CDH18: variants seen among roughly 807,000 people sequenced by gnomAD.
The protein encoded by CDH18 is cadherin-18.
CDH18 carries 31 observed loss-of-function variants against 67.9 expected under a neutral mutation model. The ratio of observed to expected loss-of-function variants is 0.46; its 90% CI spans 0.34 to 0.62. The LOEUF is 0.62. CDH18 is among the 20% of genes least tolerant of loss of function. The probability of loss-of-function intolerance (pLI) is 0.01; values close to 1 mark genes in which losing one functional copy is unlikely to be tolerated. For synonymous variants in CDH18, 362 were observed against 347.2 expected, an observed-to-expected ratio of 1.04 and a Z score of -0.48; for missense variants, 890 against 975.5, an observed-to-expected ratio of 0.91 and a Z score of 1.17.
At chr5:20,409,863 T>C (rs1746614493) in intron 1 of CDH18, among the ~76,000 whole-genome samples, 1 of 151,706 alleles carries the variant, frequency 6.6e-6, no homozygotes, top group Non-Finnish European at 1.5e-5. Flanking sequence ...CTATAAACAC[T>C]TGTATGCTAA....
intron 2 of CDH18, among the ~76,000 whole-genome samples, chr5:20,150,024 T>C (rs1410126481): frequency 6.6e-6 from 1 of 152,116 alleles, no homozygotes; most frequent in Non-Finnish European, 1.5e-5. Flanking sequence ...ACTGGGAAGC[T>C]AGCTGCAAAG....
chr5:20,343,436 C>T (rs1358675585), intron 1 of CDH18, among the ~76,000 whole-genome samples: 1 of 152,120 alleles, frequency 6.6e-6, no homozygotes, highest in African/African-American at 2.4e-5. Context: ...AATGCCATGT[C>T]CCCCTGAGGA....
intron 5 of CDH18, among the ~76,000 whole-genome samples, chr5:19,681,171 A>G (rs1234102931): frequency 6.6e-6 from 1 of 152,052 alleles, no homozygotes; most frequent in Non-Finnish European, 1.5e-5. Context: ...ACAGAAAACC[A>G]AATACTGCAT....
At chr5:20,513,977 T>A (rs1360562506) in intron 1 of CDH18, among the ~76,000 whole-genome samples, 3 of 152,168 alleles carry the variant, frequency 2.0e-5, no homozygotes, top group Non-Finnish European at 4.4e-5. Flanking sequence ...TTGCTGATAA[T>A]AAAATGCACT....
intron 7 of CDH18, among the ~76,000 whole-genome samples, 194 bp downstream of exon 7, chr5:19,590,863 G>C (rs996418686): frequency 1.3e-5 from 2 of 151,980 alleles, no homozygotes; most frequent in African/African-American, 4.8e-5. Context: ...TCTTCCCACC[G>C]CAGCAAAACA....
chr5:19,784,291 G>A (rs1441904932), intron 3 of CDH18, among the ~76,000 whole-genome samples: 2 of 152,084 alleles, frequency 1.3e-5, no homozygotes, highest in Non-Finnish European at 2.9e-5. Flanking sequence ...ATCTAGAAAA[G>A]TTAGATTCTT....
chr5:20,030,237 CT>C lies in CDH18; in HGVS notation c.-517-38224del, dbSNP rs530989525. 3.9e-5 allele frequency among the ~76,000 whole-genome samples: 6 copies of C among 152,246 alleles called. No individual in the cohort carries two copies. In the South Asian group the frequency reaches 1.2e-3, roughly 32 times the overall value. The stretch of plus-strand genomic sequence containing the variant: ...AGCTAAAAGCTGTCAGCTAACCACA[CT>C]TTTTCAAAAGGACTCTGAACAGGAC... On this transcript the variant is annotated intron_variant, in intron 2 of 14. Transcript: ENST00000507958.
chr5:19,904,346 G>C (rs1790299750), intron 2 of CDH18, among the ~76,000 whole-genome samples: 1 of 141,398 alleles, frequency 7.1e-6, no homozygotes, highest in Non-Finnish European at 1.6e-5. Flanking sequence ...AAGGGAGGGA[G>C]GGAGGGAGGG....
intron 2 of CDH18, among the ~76,000 whole-genome samples, chr5:20,059,319 C>G (rs4273610): frequency 0.83 from 126,664 of 152,110 alleles, 54,999 homozygotes; most frequent in Non-Finnish European, 0.96. Context: ...TTTTGCGTGT[C>G]TCTGCCTCCT....
intron 3 of CDH18, among the ~76,000 whole-genome samples, chr5:19,771,694 G>A (rs545552540): frequency 2.6e-5 from 4 of 152,256 alleles, no homozygotes; most frequent in Admixed American, 6.5e-5. Flanking sequence ...CTAGTGAGGC[G>A]TTTGGATGTA....
intron 11 of CDH18, among the ~76,000 whole-genome samples, chr5:19,496,931 C>T (rs1049812783): frequency 6.6e-6 from 1 of 151,688 alleles, no homozygotes; most frequent in Admixed American, 6.6e-5. Flanking sequence ...AGAGCCCAGG[C>T]CCTTACAGAC....
At chr5:20,207,575 A>G (rs1020307490) in intron 2 of CDH18, among the ~76,000 whole-genome samples, 1 of 152,052 alleles carries the variant, frequency 6.6e-6, no homozygotes. Context: ...GAACTCATGC[A>G]GGAAAACTGC....
At chr5:20,418,985 C>T (rs1323359245) in intron 1 of CDH18, among the ~76,000 whole-genome samples, 1 of 152,016 alleles carries the variant, frequency 6.6e-6, no homozygotes, top group African/African-American at 2.4e-5. Context: ...ACTGCGCAAA[C>T]TAGATGAGGG....
chr5:19,726,177 T>C (rs917959628), intron 4 of CDH18, among the ~76,000 whole-genome samples: 1 of 151,776 alleles, frequency 6.6e-6, no homozygotes, highest in African/African-American at 2.4e-5. Context: ...ACAAGTTAAA[T>C]AAGGAAAAAC....
chr5:19,494,728 T>A (rs1283021672), intron 11 of CDH18, among the ~76,000 whole-genome samples: 1 of 152,206 alleles, frequency 6.6e-6, no homozygotes, highest in Non-Finnish European at 1.5e-5. Context: ...TTCCCAGAGA[T>A]TCCTCCAACA....
intron 2 of CDH18, among the ~76,000 whole-genome samples, chr5:19,896,586 C>A (rs1355980891): frequency 1.3e-5 from 2 of 152,104 alleles, no homozygotes; most frequent in Non-Finnish European, 2.9e-5. Context: ...CACAGCCTGG[C>A]AAACACCTTG....
Position 19,759,626 on chromosome 5 carries a change from T to C in CDH18, c.229-12390A>G, listed in dbSNP as rs879687218. Among the ~76,000 whole-genome samples, 26 of 152,250 alleles carry C rather than the reference T, an allele frequency of 1.7e-4. 1 individual carries two copies. Among genetic ancestry groups the C allele is most frequent in the Admixed American group, 1.7e-3 (26 of 15,292 alleles). On this transcript the variant is annotated intron_variant, in intron 3 of 12. Coordinates refer to ENST00000382275, the MANE Select transcript of CDH18 (RefSeq NM_004934.5). Reference sequence around the variant, plus strand: ...CCCTACTTTAACTGGAGGACCACAATGATGTCTTGTGTCCCTTGGAATCAA... The same window carrying C: ...CCCTACTTTAACTGGAGGACCACAACGATGTCTTGTGTCCCTTGGAATCAA...
chr5:19,950,318 C>A (rs1159233855), intron 2 of CDH18, among the ~76,000 whole-genome samples: 1 of 151,858 alleles, frequency 6.6e-6, no homozygotes, highest in Non-Finnish European at 1.5e-5. Flanking sequence ...GGGAGCTAAG[C>A]CATGAGGACA....
chr5:19,794,782 G>C (rs972276051), intron 3 of CDH18, among the ~76,000 whole-genome samples: 3 of 152,110 alleles, frequency 2.0e-5, no homozygotes, highest in African/African-American at 7.2e-5. Context: ...ATAATTCAAT[G>C]TGTGAAATAT....
Sources: allele counts gnomAD v4.1 joint callset (sites outside exome capture counted in the v4.1 genomes callset), GRCh38; gene constraint gnomAD v4.1.1; transcripts MANE v1.5; gene names NCBI Gene and HGNC (gene_info 2026-07-23, HGNC 2026-07-21).